The following UTRN variants were observed in gnomAD, a reference collection of about 807,000 sequenced individuals.
UTRN encodes utrophin.
In UTRN, 283 loss-of-function variants were observed where a neutral mutation model predicts 463.9. That is an observed-to-expected ratio of 0.61 (90% confidence interval 0.55 to 0.67). The LOEUF is 0.67. Among genes scored for constraint, UTRN ranks in the 30% least tolerant of loss-of-function variants. UTRN has a pLI of 0.00. For synonymous variants in UTRN, 1,442 were observed against 1,431.5 expected, an observed-to-expected ratio of 1.01 and a Z score of -0.17; for missense variants, 3,922 against 4,084.3, an observed-to-expected ratio of 0.96 and a Z score of 1.08.
chr6:144,325,658 C>A (rs1775930281), intron 2 of UTRN, among the ~76,000 whole-genome samples: 1 of 152,152 alleles, frequency 6.6e-6, no homozygotes. Flanking sequence ...TACTTTGAGC[C>A]CACCAGTTGG....
At chr6:144,474,059 G>A (rs1790938780) in intron 24 of UTRN, among the ~76,000 whole-genome samples, 1 of 151,798 alleles carries the variant, frequency 6.6e-6, no homozygotes, top group South Asian at 2.1e-4. Context: ...TTATAGAATA[G>A]AGAACAAGAA....
intron 2 of UTRN, among the ~76,000 whole-genome samples, chr6:144,346,296 C>A (rs577920252): frequency 6.6e-6 from 1 of 152,228 alleles, no homozygotes; most frequent in South Asian, 2.1e-4. Context: ...CTTTCCTGCC[C>A]TATGACCAAT....
chr6:144,602,439 T>C (rs770265742), intron 51 of UTRN, among the ~76,000 whole-genome samples: 4 of 152,068 alleles, frequency 2.6e-5, no homozygotes, highest in Non-Finnish European at 5.9e-5. Flanking sequence ...GTGCCCGGCC[T>C]CCTACAGCAT....
intron 2 of UTRN, among the ~76,000 whole-genome samples, chr6:144,331,840 T>C (rs1221625407): frequency 6.6e-6 from 1 of 152,080 alleles, no homozygotes; most frequent in East Asian, 1.9e-4. Flanking sequence ...ACTTGCAAAG[T>C]GGTAGAGAGG....
chr6:144,836,719 G>A (rs1781138233), intron 71 of UTRN, 178 bp downstream of exon 71: 1 of 973,358 alleles, frequency 1.0e-6, no homozygotes, highest in South Asian at 1.8e-5. Context: ...ATCCTCATTG[G>A]CACACAAAAA....
chr6:144,619,329 G>GCCAAA (rs1775107937), intron 51 of UTRN, among the ~76,000 whole-genome samples: 5 of 152,146 alleles, frequency 3.3e-5, no homozygotes, highest in Admixed American at 6.5e-5. Flanking sequence ...AGGATTATTT[G>GCCAAA]GCATTTAAGC....
chr6:144,782,184 T>C, intron 61 of UTRN, 61 bp downstream of exon 61: 1 of 1,398,668 alleles, frequency 7.1e-7, no homozygotes. Context: ...TAATAGAAAA[T>C]GTCTGATTTT....
At chr6:144,569,171 T>A (rs1800701101) in intron 50 of UTRN, among the ~76,000 whole-genome samples, 1 of 152,006 alleles carries the variant, frequency 6.6e-6, no homozygotes, top group African/African-American at 2.4e-5. Flanking sequence ...TAAGCTATAG[T>A]CTATTAGAAA....
At chr6:144,423,447 C>T in intron 4 of UTRN, 102 bp from the exon 5 acceptor site, 6 of 1,174,626 alleles carry the variant, frequency 5.1e-6, no homozygotes, top group Non-Finnish European at 7.5e-6. Context: ...TCTGAGGGGC[C>T]CTGTACGCTG....
At position 144,332,684 on chromosome 6, in the gene UTRN, G is replaced by T. The variant is rs189435412; in HGVS notation, c.79+40777G>T. Among the ~76,000 whole-genome samples the T allele has an allele frequency of 3.4e-3, 518 of 152,070 alleles. 9 individuals are homozygous for T. Among genetic ancestry groups the T allele is most frequent in the African/African-American group, 0.011 (439 of 41,478 alleles). On this transcript the variant is annotated intron_variant, in intron 2 of 74. Transcript: ENST00000367545. Reference sequence around the variant, plus strand: ...TCATAGATTAAAAAAATTGAACAAAGAGTATCATTAAGTCAAACCGTTTTT... The same window carrying T: ...TCATAGATTAAAAAAATTGAACAAATAGTATCATTAAGTCAAACCGTTTTT...
chr6:144,588,583 C>T (rs79700809), intron 51 of UTRN, among the ~76,000 whole-genome samples: 1,911 of 152,156 alleles, frequency 0.013, 20 homozygotes, highest in Non-Finnish European at 0.017. Context: ...ATTAAGGATA[C>T]GGATAAAAGG....
At chr6:144,484,482 A>G (rs6906483) in intron 27 of UTRN, among the ~76,000 whole-genome samples, 45,429 of 107,196 alleles carry the variant, frequency 0.42, 9,696 homozygotes, top group African/African-American at 0.68. Context: ...CACTCTTGTT[A>G]CCCAGGCTGG....
At chr6:144,304,934 CTT>C (rs74813853) in intron 2 of UTRN, among the ~76,000 whole-genome samples, 5 of 142,726 alleles carry the variant, frequency 3.5e-5, no homozygotes, top group East Asian at 2.0e-4. Context: ...AATGTTTTGA[CTT>C]TTTTTTTTTT....
At chr6:144,525,397 T>A (rs1796480716) in intron 41 of UTRN, among the ~76,000 whole-genome samples, 1 of 152,166 alleles carries the variant, frequency 6.6e-6, no homozygotes. Context: ...TTCTATTTCT[T>A]CCTGGTTTAA....
At chr6:144,307,313 T>A (rs374618010) in intron 2 of UTRN, among the ~76,000 whole-genome samples, 4 of 152,326 alleles carry the variant, frequency 2.6e-5, no homozygotes, top group African/African-American at 9.6e-5. Flanking sequence ...CTAGCCTGAC[T>A]GGGTGTTTGG....
intron 23 of UTRN, among the ~76,000 whole-genome samples, chr6:144,472,471 A>G (rs1790761399): frequency 6.6e-6 from 1 of 152,198 alleles, no homozygotes; most frequent in East Asian, 1.9e-4. Context: ...ATAATCTCTG[A>G]TAACCTTATA....
At chr6:144,451,175 T>C (rs1788261971) in intron 17 of UTRN, among the ~76,000 whole-genome samples, 195 bp from the exon 18 acceptor site, 1 of 152,232 alleles carries the variant, frequency 6.6e-6, no homozygotes, top group African/African-American at 2.4e-5. Flanking sequence ...AACCCTATAA[T>C]ATTATTACTC....
intron 2 of UTRN, among the ~76,000 whole-genome samples, chr6:144,401,625 T>C (rs1287814410): frequency 6.6e-6 from 1 of 152,208 alleles, no homozygotes; most frequent in Non-Finnish European, 1.5e-5. Flanking sequence ...GCTCCCTTAG[T>C]GTCTTGGAGT....
intron 52 of UTRN, among the ~76,000 whole-genome samples, chr6:144,687,032 T>A (rs991678460): frequency 7.9e-5 from 12 of 152,152 alleles, no homozygotes; most frequent in African/African-American, 2.9e-4. Context: ...ACCTTTCATT[T>A]CAAGATTGAG....
Sources: gnomAD v4.1 joint callset for allele counts (sites outside exome capture counted in the v4.1 genomes callset) on GRCh38, gnomAD v4.1.1 for gene constraint, MANE v1.5 for transcripts, NCBI Gene and HGNC (gene_info 2026-07-23, HGNC 2026-07-21) for gene names.